The following LRSAM1 variants were observed in gnomAD, a reference collection of about 807,000 sequenced individuals.
LRSAM1 encodes leucine rich repeat and sterile alpha motif containing 1, also known as E3 ubiquitin-protein ligase LRSAM1.
In LRSAM1, 96 loss-of-function variants were observed where a neutral mutation model predicts 118.1. The ratio of observed to expected loss-of-function variants is 0.81; its 90% confidence interval spans 0.69 to 0.96. The LOEUF (loss-of-function observed/expected upper bound fraction) is 0.96. Ranked by LOEUF, LRSAM1 falls within the 40% of genes least tolerant of loss-of-function variation. The pLI is 0.00. For missense variants in LRSAM1, 804 were observed against 915.5 expected, an observed-to-expected ratio of 0.88 and a Z score of 1.57; for synonymous variants, 322 against 364.2, an observed-to-expected ratio of 0.88 and a Z score of 1.32.
At chr9:127,497,075 C>T (rs1286894821) in intron 23 of LRSAM1, among the ~76,000 whole-genome samples, 178 bp from the exon 24 acceptor site, 2 of 152,270 alleles carry the variant, frequency 1.3e-5, no homozygotes, top group East Asian at 3.8e-4. Context: ...GTTGCCCTCA[C>T]AGCTATGGTG....
At chr9:127,468,825 A>AC (rs1167399885) in intron 10 of LRSAM1, among the ~76,000 whole-genome samples, 2 of 147,768 alleles carry the variant, frequency 1.4e-5, no homozygotes, top group Non-Finnish European at 3.0e-5. Flanking sequence ...AAAAAAAAAA[A>AC]AAAAAAAAAA....
intron 24 of LRSAM1, 94 bp from the exon 25 acceptor site, chr9:127,500,916 C>T: frequency 5.7e-6 from 9 of 1,580,440 alleles, no homozygotes; most frequent in Non-Finnish European, 7.8e-6. Flanking sequence ...CTCCAGCTCA[C>T]TCACCATGGG....
chr9:127,486,325 G>C, intron 17 of LRSAM1: 1 of 191,576 alleles, frequency 5.2e-6, no homozygotes, highest in South Asian at 1.0e-4. Flanking sequence ...GGAAGGATAA[G>C]TGAAGGGGTT....
chr9:127,473,786 T>G lies in LRSAM1; in HGVS notation c.620-15T>G, dbSNP rs2132047693. On this transcript the variant is annotated splice_polypyrimidine_tract_variant and intron_variant, in intron 10 of 25. Coordinates refer to ENST00000300417, the MANE Select transcript of LRSAM1 (RefSeq NM_001005373.4). ...TCTCCTCCCTCCTGGTCAGCTTGTGTCCCGTCTCTTACAGAGTCAGGGCTG... is the reference window on the plus strand; with the variant it reads ...TCTCCTCCCTCCTGGTCAGCTTGTGGCCCGTCTCTTACAGAGTCAGGGCTG... 6.2e-7 allele frequency: 1 copy of G among 1,614,074 alleles called. No individual in the cohort carries two copies. Among genetic ancestry groups the G allele is most frequent in the Middle Eastern group, 1.7e-4 (1 of 6,060 alleles).
Position 127,492,903 on chromosome 9 carries a change from TGTTTG to T in LRSAM1, c.1599+8_1599+12del. 6.2e-7 allele frequency: 1 copy of T among 1,613,518 alleles called. No homozygotes were observed. The highest frequency in any genetic ancestry group is 8.5e-7 in the Non-Finnish European group (1 of 1,179,562). On this transcript the variant is annotated splice_region_variant and intron_variant, in intron 21 of 25. Coordinates refer to ENST00000300417, the MANE Select transcript of LRSAM1 (RefSeq NM_001005373.4). ...AAGAGCTCCGGGAAATCCTGGTATG[TGTTTG>T]GCTTCTGTGCTCAGCATCACACAGG...
At position 127,462,102 on chromosome 9, in the gene LRSAM1, A is replaced by C. The variant is rs893438670; in HGVS notation, c.407-150A>C. 2.5e-5 allele frequency: 27 copies of C among 1,086,146 alleles called. No homozygotes were observed. The Middle Eastern group carries it at 7.5e-4, about 30-fold the overall frequency. 67.3% of individuals were successfully genotyped at this position (1,086,146 alleles called of 1,614,324 possible). A position where few individuals can be genotyped will look rare whatever the true frequency, so the allele number is the denominator to read the frequency against. On this transcript the variant is annotated intron_variant, in intron 8 of 25. Transcript: ENST00000300417. ...AGTAATTGGTGGAGTGGGGACTTGA[A>C]CTGGAACTCCACCTTCTTGAGCCTA...
At chr9:127,493,427 C>T (rs964801655) in intron 21 of LRSAM1, among the ~76,000 whole-genome samples, 1 of 152,156 alleles carries the variant, frequency 6.6e-6, no homozygotes, top group Non-Finnish European at 1.5e-5. Context: ...TTCGTGTATG[C>T]GCCTTTTAAA....
Position 127,455,580 on chromosome 9 carries a change from C to T in LRSAM1, c.134C>T (p.Pro45Leu), listed in dbSNP as rs139695483. 6 of 1,613,964 alleles carry T rather than the reference C, an allele frequency of 3.7e-6. No homozygotes were observed. In the African/African-American group the frequency reaches 4.0e-5, roughly 11 times the overall value. The change falls in exon 5 of 26, where the codon CCA becomes CTA. Residue 45 changes from proline to leucine, a missense_variant. Pro to Leu is a moderately conservative substitution (Grantham distance 98). Transcript: ENST00000300417. ...DISKCELSEI[P>L]FGAFATCKVL... is the part of the protein sequence containing the mutation. The stretch of plus-strand genomic sequence containing the variant: ...CTCTTCTTTATCTTATCTTAGATTC[C>T]ATTTGGAGCTTTTGCAACATGCAAA...
At chr9:127,478,252 C>T (rs999838451) in intron 11 of LRSAM1, among the ~76,000 whole-genome samples, 1 of 152,166 alleles carries the variant, frequency 6.6e-6, no homozygotes. Flanking sequence ...CCTGCACTCC[C>T]GTTGCCTGGA....
At chr9:127,500,520 G>A (rs918877650) in intron 24 of LRSAM1, among the ~76,000 whole-genome samples, 20 of 152,132 alleles carry the variant, frequency 1.3e-4, no homozygotes, top group Admixed American at 3.3e-4. Flanking sequence ...TGCTCCCCTG[G>A]GTCACCTGAT....
At chr9:127,501,217 G>C (rs894601667) in intron 25 of LRSAM1, 74 bp downstream of exon 25, 1 of 1,552,490 alleles carries the variant, frequency 6.4e-7, no homozygotes, top group Non-Finnish European at 8.7e-7. Flanking sequence ...GTACAGGGTT[G>C]TCTCTGAACG....
intron 11 of LRSAM1, 99 bp from the exon 12 acceptor site, chr9:127,478,835 G>T: frequency 1.7e-6 from 2 of 1,204,238 alleles, no homozygotes; most frequent in African/African-American, 3.0e-5. Context: ...GTGGGCCAGA[G>T]TTTGTATAAC....
In LRSAM1 at chr9:127,482,140, CTT is replaced by C. The variant is rs769821359; in HGVS notation, c.1089-791_1089-790del. 3.6e-3 allele frequency among the ~76,000 whole-genome samples: 423 copies of C among 117,910 alleles called. 1 individual carries two copies. The East Asian group carries it at 0.039, about 11-fold the overall frequency. 77.4% of individuals were successfully genotyped at this position (117,910 alleles called of 152,430 possible). On this transcript the variant is annotated intron_variant, in intron 15 of 25. Coordinates refer to ENST00000300417, the MANE Select transcript of LRSAM1 (RefSeq NM_001005373.4). ...ATTTATAGCAGAATTTTTAGTATATCTTTTTTTTTTTTTTTTTTTTGAGACGG... is the reference window on the plus strand; with the variant it reads ...ATTTATAGCAGAATTTTTAGTATATCTTTTTTTTTTTTTTTTTTGAGACGG...
chr9:127,488,911 G>A (rs1026100845), intron 18 of LRSAM1, among the ~76,000 whole-genome samples: 6 of 152,046 alleles, frequency 3.9e-5, no homozygotes, highest in Non-Finnish European at 7.4e-5. Flanking sequence ...GCAGCCCCGT[G>A]GGAGTCTTGC....
chr9:127,456,738 C>A (rs976693043), intron 5 of LRSAM1, among the ~76,000 whole-genome samples: 1 of 151,966 alleles, frequency 6.6e-6, no homozygotes, highest in Non-Finnish European at 1.5e-5. Context: ...TGGTGGCATG[C>A]GCCTGTAGTC....
At position 127,482,965 on chromosome 9, in the gene LRSAM1, G is replaced by A. The variant is rs1353168514; in HGVS notation, c.1104G>A (p.Gln368=). 6.4e-6 allele frequency: 10 copies of A among 1,563,356 alleles called. No homozygotes were observed. The highest frequency in any genetic ancestry group is 8.7e-6 in the Non-Finnish European group (10 of 1,153,606). ...TTTTTTCTAGAATAAGAATGGAACA[G>A]TTGATGTCCATAACCCAGGAGGAGA... The part of the protein sequence containing the change: ...SLENERIRME[Q]LMSITQEETE... Residue 368 remains glutamine (Q), a synonymous_variant, in exon 16 of 26, where the codon CAG becomes CAA. Transcript: ENST00000300417.
At position 127,455,139 on chromosome 9, in the gene LRSAM1, T is replaced by C. The variant is rs372437126; in HGVS notation, c.129+85T>C. 798 of 1,385,164 alleles carry C rather than the reference T, an allele frequency of 5.8e-4. 4 individuals carry two copies. In the South Asian group the frequency reaches 8.7e-3, roughly 15 times the overall value. The allele number at this position is 1,385,164 out of a possible 1,614,324, so 85.8% of individuals were successfully genotyped here. ...GTCCCTAGGAAAGACAGAGGTGGACTGGGGCTTTAGAAAGGCCAGAAGCTC... is the reference window on the plus strand; with the variant it reads ...GTCCCTAGGAAAGACAGAGGTGGACCGGGGCTTTAGAAAGGCCAGAAGCTC... On this transcript the variant is annotated intron_variant, in intron 4 of 25. Transcript: ENST00000300417.
intron 11 of LRSAM1, 40 bp downstream of exon 11, chr9:127,473,971 T>TGC: frequency 6.2e-7 from 1 of 1,613,614 alleles, no homozygotes; most frequent in Admixed American, 1.7e-5. Context: ...CATGTGTGTG[T>TGC]GTGCGTGTGC....
chr9:127,478,767 T>C (rs1484484754), intron 11 of LRSAM1, among the ~76,000 whole-genome samples, 167 bp from the exon 12 acceptor site: 1 of 152,140 alleles, frequency 6.6e-6, no homozygotes, highest in Non-Finnish European at 1.5e-5. Context: ...CCTGGTGCCC[T>C]TGATCAATAC....
Sources: gnomAD v4.1 joint callset for allele counts (sites outside exome capture counted in the v4.1 genomes callset) on GRCh38, gnomAD v4.1.1 for gene constraint, MANE v1.5 for transcripts, NCBI Gene and HGNC (gene_info 2026-07-23, HGNC 2026-07-21) for gene names.